Variants in MS4A10 observed in about 807,000 individuals in gnomAD.
The protein encoded by MS4A10 is membrane-spanning 4-domains subfamily A member 10.
Under a neutral mutation model 27.7 loss-of-function variants are expected in MS4A10, and 27 were observed. That is an observed-to-expected ratio of 0.98 (90% CI 0.72 to 1.35). MS4A10 has a LOEUF of 1.35. Among genes scored for constraint, MS4A10 ranks in the 40% most tolerant of loss-of-function variants. The pLI, the probability that MS4A10 is intolerant of heterozygous loss-of-function variation, is 0.00. For missense variants in MS4A10, 338 were observed against 324.7 expected, an observed-to-expected ratio of 1.04 and a Z score of -0.32; for synonymous variants, 139 against 131.2, an observed-to-expected ratio of 1.06 and a Z score of -0.41.
chr11:60,794,000 T>A lies in MS4A10; in HGVS notation c.389T>A (p.Ile130Asn), dbSNP rs141270498. 2.9e-4 allele frequency: 473 copies of A among 1,614,156 alleles called. 1 individual carries two copies. In the African/African-American group the frequency reaches 5.8e-3, roughly 20 times the overall value. Residue 130 changes from isoleucine (I) to asparagine (N), a missense_variant, in exon 5 of 8, where the codon ATC becomes AAC. Physicochemically the swap from Ile to Asn is moderately radical, Grantham distance 149. Coordinates refer to ENST00000308287, the MANE Select transcript of MS4A10 (RefSeq NM_206893.4). ...LKMLCLMTNL[I>N]SLFCVLSGLF... is the part of the protein sequence containing the mutation. ...ATGTTGTGCCTGATGACAAACCTCA[T>A]CAGCCTCTTTTGCGTGCTGTCTGGC...
chr11:60,788,009 C>T (rs1590995431), intron 1 of MS4A10, among the ~76,000 whole-genome samples: 1 of 150,574 alleles, frequency 6.6e-6, no homozygotes, highest in East Asian at 1.9e-4. Context: ...AAGAGCGAAA[C>T]TCCGTCTCAA....
intron 7 of MS4A10, among the ~76,000 whole-genome samples, chr11:60,799,620 C>G (rs1026513486): frequency 6.6e-6 from 1 of 152,172 alleles, no homozygotes; most frequent in African/African-American, 2.4e-5. Flanking sequence ...ACAGACACCC[C>G]AGGGACACCC....
intron 1 of MS4A10, among the ~76,000 whole-genome samples, chr11:60,786,007 G>A (rs1854329005): frequency 6.6e-6 from 1 of 152,156 alleles, no homozygotes; most frequent in South Asian, 2.1e-4. Flanking sequence ...GTTCAGTACA[G>A]TCGTAGGTGG....
intron 1 of MS4A10, 142 bp from the exon 2 acceptor site, chr11:60,790,172 C>G (rs1254643749): frequency 7.5e-6 from 5 of 670,538 alleles, no homozygotes; most frequent in Non-Finnish European, 7.5e-6. Context: ...CAAATCAAGA[C>G]CAAGACCAGG....
rs887294799 is a variant in MS4A10, at chr11:60,790,517, G to A, written c.182G>A (p.Gly61Glu). The change falls in exon 2 of 8, where the codon GGG (glycine) becomes GAG (glutamate). Residue 61 changes from glycine (G) to glutamate (E), a missense_variant and splice_region_variant. Physicochemically the swap from Gly to Glu is moderately conservative, Grantham distance 98 (BLOSUM62 -2). Transcript: ENST00000308287. ...AAGAGCAGCCTTCTTAAGGAGCTGG[G>A]GGTGAGCATCCACTTCCCAGGGTCC... is the stretch of plus-strand genomic sequence containing the variant. ...QKKSSLLKEL[G>E]AFHITIALLH... 1 of 1,613,930 alleles carries A rather than the reference G, an allele frequency of 6.2e-7. No individual in the cohort carries two copies. The highest frequency in any genetic ancestry group is 1.3e-5 in the African/African-American group (1 of 74,936).
chr11:60,791,878 T>C (rs1854436672), intron 3 of MS4A10, among the ~76,000 whole-genome samples: 1 of 152,176 alleles, frequency 6.6e-6, no homozygotes, highest in African/African-American at 2.4e-5. Context: ...CAAGAACTCA[T>C]ATCCTCCCAA....
At chr11:60,796,196 T>TGATGGATGGATGGATG (rs59783869) in intron 6 of MS4A10, among the ~76,000 whole-genome samples, 114 of 151,698 alleles carry the variant, frequency 7.5e-4, no homozygotes, top group Middle Eastern at 3.4e-3. Context: ...ATGCATCCAT[T>TGATGGATGGATGGATG]GATGGATGGA....
intron 7 of MS4A10, among the ~76,000 whole-genome samples, chr11:60,799,579 G>A (rs961962842): frequency 1.3e-5 from 2 of 151,996 alleles, no homozygotes; most frequent in African/African-American, 4.8e-5. Flanking sequence ...TGCTAGCTCT[G>A]CCCCAGCCAC....
rs570481784 is a variant in MS4A10, at chr11:60,798,530, C to A, written c.722+16C>A. The A allele has an allele frequency of 6.3e-7, 1 of 1,599,680 alleles. No homozygotes were observed. The highest frequency in any genetic ancestry group is 1.3e-5 in the African/African-American group (1 of 74,750). On this transcript the variant is annotated intron_variant, in intron 7 of 7. Coordinates refer to ENST00000308287, the MANE Select transcript of MS4A10 (RefSeq NM_206893.4). Reference sequence around the variant, plus strand: ...AACATCAGAGGTGAAGAGGTTTGGCCCTGGCTCCCCAGACCTTCAGAACCC... The same window carrying A: ...AACATCAGAGGTGAAGAGGTTTGGCACTGGCTCCCCAGACCTTCAGAACCC...
In MS4A10 at chr11:60,785,356, G is replaced by A. The variant is rs1380221341; in HGVS notation, c.-88G>A. ...CTGATTTCCCAGCGCTGTCTCTGGG[G>A]AGCTCCGGCAGCGCAAGAGGGCAAA... On this transcript the variant is annotated 5_prime_UTR_variant, in exon 1 of 8. Transcript: ENST00000308287. 1 of 152,278 alleles carries A rather than the reference G, an allele frequency of 6.6e-6. No individual in the cohort carries two copies. The highest frequency in any genetic ancestry group is 1.5e-5 in the Non-Finnish European group (1 of 68,098). The allele number at this position is 152,278 out of a possible 1,614,324, so 9.4% of individuals were successfully genotyped here. A position where few individuals can be genotyped will look rare whatever the true frequency, so the allele number is the denominator to read the frequency against.
intron 6 of MS4A10, among the ~76,000 whole-genome samples, chr11:60,796,892 C>T (rs1854542677): frequency 6.6e-6 from 1 of 151,942 alleles, no homozygotes; most frequent in Admixed American, 6.6e-5. Context: ...ATCTCTAAGG[C>T]TCATTTCTTT....
At chr11:60,788,599 A>G (rs1222817271) in intron 1 of MS4A10, among the ~76,000 whole-genome samples, 1 of 152,248 alleles carries the variant, frequency 6.6e-6, no homozygotes, top group African/African-American at 2.4e-5. Flanking sequence ...AACCTTCCCA[A>G]GGGACAGTTC....
intron 5 of MS4A10, among the ~76,000 whole-genome samples, 163 bp from the exon 6 acceptor site, chr11:60,795,392 C>T (rs1001721948): frequency 3.9e-5 from 6 of 152,148 alleles, no homozygotes; most frequent in African/African-American, 1.2e-4. Context: ...AGTCCCCGTC[C>T]CACAGAGACC....
intron 1 of MS4A10, among the ~76,000 whole-genome samples, chr11:60,786,980 C>A (rs1194952224): frequency 2.0e-5 from 3 of 152,240 alleles, no homozygotes; most frequent in Non-Finnish European, 4.4e-5. Flanking sequence ...TTCTAGCTGA[C>A]AACTTCCAGC....
At chr11:60,786,699 C>T (rs1246854394) in intron 1 of MS4A10, among the ~76,000 whole-genome samples, 1 of 152,138 alleles carries the variant, frequency 6.6e-6, no homozygotes, top group African/African-American at 2.4e-5. Flanking sequence ...ATGTCTTAAC[C>T]GAGAACCAGA....
At chr11:60,790,281 C>A in intron 1 of MS4A10, 33 bp from the exon 2 acceptor site, 1 of 1,572,442 alleles carries the variant, frequency 6.4e-7, no homozygotes, top group Non-Finnish European at 8.7e-7. Context: ...AGAAATGAGA[C>A]GGGTTCTGAC....
rs1404708117 is a variant in MS4A10 at position 60,789,933 on chromosome 11, A to G, written c.-22-381A>G. Reference sequence around the variant, plus strand: ...ACCTGCCTTCAGTCACTCTTCTTGGACCAGTGGATGGAGACTGTTTACAAA... The same window carrying G: ...ACCTGCCTTCAGTCACTCTTCTTGGGCCAGTGGATGGAGACTGTTTACAAA... On this transcript the variant is annotated intron_variant, in intron 1 of 7. Coordinates refer to ENST00000308287, the MANE Select transcript of MS4A10 (RefSeq NM_206893.4). 6.6e-5 allele frequency among the ~76,000 whole-genome samples: 10 copies of G among 152,240 alleles called. No individual in the cohort carries two copies. The South Asian group carries it at 2.1e-3, about 32-fold the overall frequency.
In MS4A10 at chr11:60,798,650, G is replaced by A. The variant is rs186389347; in HGVS notation, c.722+136G>A. On this transcript the variant is annotated intron_variant, in intron 7 of 7. Coordinates refer to ENST00000308287, the MANE Select transcript of MS4A10 (RefSeq NM_206893.4). The stretch of plus-strand genomic sequence containing the variant: ...AACAGTGCTGCAGCTAGAACTGCCT[G>A]GCCTGGGAGTGGTAGCCAAGGCAGC... 4.7e-4 allele frequency: 309 copies of A among 662,810 alleles called. 3 individuals are homozygous for A. The African/African-American group carries it at 5.4e-3, about 12-fold the overall frequency. 41.1% of individuals were successfully genotyped at this position (662,810 alleles called of 1,614,324 possible).
rs760724329 is a variant in MS4A10 at position 60,794,014 on chromosome 11, G to T, written c.403G>T (p.Val135Leu). 1 of 1,614,012 alleles carries T rather than the reference G, an allele frequency of 6.2e-7. No individual in the cohort carries two copies. The highest frequency in any genetic ancestry group is 1.3e-5 in the African/African-American group (1 of 74,922). ...LMTNLISLFCVLSGLFVISKD... is the reference protein window; with the variant it reads ...LMTNLISLFCLLSGLFVISKD... Reference sequence around the variant, plus strand: ...GACAAACCTCATCAGCCTCTTTTGCGTGCTGTCTGGCCTCTTCGTCATCTC... The same window carrying T: ...GACAAACCTCATCAGCCTCTTTTGCTTGCTGTCTGGCCTCTTCGTCATCTC... Residue 135 changes from valine (V) to leucine (L), a missense_variant, in exon 5 of 8, where the codon GTG becomes TTG. By Grantham distance (32) the Val-to-Leu change is conservative. Coordinates refer to ENST00000308287, the MANE Select transcript of MS4A10 (RefSeq NM_206893.4).
Sources: allele counts gnomAD v4.1 joint callset (sites outside exome capture counted in the v4.1 genomes callset), GRCh38; gene constraint gnomAD v4.1.1; transcripts MANE v1.5; gene names NCBI Gene and HGNC (gene_info 2026-07-23, HGNC 2026-07-21).